PPP2R2C: variants seen among roughly 807,000 people sequenced by gnomAD.
PPP2R2C encodes the protein protein phosphatase 2, regulatory subunit B, gamma.
A neutral mutation model predicts 45.3 loss-of-function variants in PPP2R2C; 10 were observed. That is an observed-to-expected ratio of 0.22 (90% CI 0.14 to 0.37). The LOEUF (loss-of-function observed/expected upper bound fraction) is 0.37. Ranked by LOEUF, PPP2R2C falls within the 10% of genes least tolerant of loss-of-function variation. The pLI is 1.00. For synonymous variants in PPP2R2C, 257 were observed against 245.4 expected, an observed-to-expected ratio of 1.05 and a Z score of -0.44; for missense variants, 308 against 619.7, an observed-to-expected ratio of 0.50 and a Z score of 5.34.
intron 1 of PPP2R2C, among the ~76,000 whole-genome samples, chr4:6,461,834 G>C (rs1288062756): frequency 6.6e-6 from 1 of 152,248 alleles, no homozygotes; most frequent in Admixed American, 6.5e-5. Flanking sequence ...CTCCCCTACA[G>C]AAAGTGAGCA....
intron 1 of PPP2R2C, among the ~76,000 whole-genome samples, chr4:6,415,757 C>A (rs1056216218): frequency 6.6e-6 from 1 of 152,212 alleles, no homozygotes; most frequent in Non-Finnish European, 1.5e-5. Flanking sequence ...GTCATCCAGT[C>A]TAACCCTCTC....
intron 2 of PPP2R2C, among the ~76,000 whole-genome samples, chr4:6,517,312 C>T (rs1723855275): frequency 6.6e-6 from 1 of 152,168 alleles, no homozygotes; most frequent in African/African-American, 2.4e-5. Context: ...AACAGCTCAC[C>T]CTGGAGTCAG....
chr4:6,531,910 G>A (rs73209719), intron 2 of PPP2R2C, among the ~76,000 whole-genome samples: 3,738 of 152,248 alleles, frequency 0.025, 65 homozygotes, highest in Admixed American at 0.033. Context: ...CGGATGCCCC[G>A]TCCTGCATGT....
intron 1 of PPP2R2C, among the ~76,000 whole-genome samples, chr4:6,416,879 G>C (rs948530062): frequency 1.3e-5 from 2 of 152,204 alleles, no homozygotes; most frequent in African/African-American, 4.8e-5. Context: ...CCTTCCCCCT[G>C]TCGGGGGGAG....
At chr4:6,381,385 T>C (rs1278027892) in intron 1 of PPP2R2C, 1 of 1,465,710 alleles carries the variant, frequency 6.8e-7, no homozygotes, top group South Asian at 1.2e-5. Flanking sequence ...GGACACTCTA[T>C]GGGACTCACG....
intron 1 of PPP2R2C, among the ~76,000 whole-genome samples, chr4:6,433,122 A>T (rs1719710892): frequency 1.3e-5 from 2 of 152,290 alleles, no homozygotes; most frequent in South Asian, 2.1e-4. Context: ...TCCAATCAAG[A>T]GGAGGCTATT....
At chr4:6,382,638 C>CTG in intron 1 of PPP2R2C, 1 of 98,074 alleles carries the variant, frequency 1.0e-5, no homozygotes. Flanking sequence ...CTCTCTCTCT[C>CTG]TCTCTCTCTC....
intron 2 of PPP2R2C, among the ~76,000 whole-genome samples, chr4:6,512,099 T>G (rs1267206971): frequency 1.8e-5 from 1 of 56,820 alleles, no homozygotes; most frequent in Non-Finnish European, 3.4e-5. Context: ...GTGGTGGTGG[T>G]GGTGGTGGTG....
chr4:6,543,658 A>C (rs986390797), intron 1 of PPP2R2C, among the ~76,000 whole-genome samples: 1 of 152,162 alleles, frequency 6.6e-6, no homozygotes. Context: ...AGCGGCTGAC[A>C]TGGAGACGGA....
At chr4:6,389,580 C>G (rs1478982426) in intron 1 of PPP2R2C, among the ~76,000 whole-genome samples, 1 of 152,212 alleles carries the variant, frequency 6.6e-6, no homozygotes, top group Non-Finnish European at 1.5e-5. Flanking sequence ...CGAATTTACC[C>G]AGCAGCGGGC....
chr4:6,485,782 G>A (rs927931811), intron 2 of PPP2R2C, among the ~76,000 whole-genome samples: 2 of 151,818 alleles, frequency 1.3e-5, no homozygotes, highest in Non-Finnish European at 2.9e-5. Flanking sequence ...TCTGGCAAGA[G>A]GTTTATCGAT....
At chr4:6,389,335 GT>G (rs1716441250) in intron 1 of PPP2R2C, among the ~76,000 whole-genome samples, 1 of 152,196 alleles carries the variant, frequency 6.6e-6, no homozygotes, top group African/African-American at 2.4e-5. Context: ...ATCACCATAA[GT>G]GCTGCTGACA....
intron 1 of PPP2R2C, among the ~76,000 whole-genome samples, chr4:6,470,993 G>A (rs1023559750): frequency 6.6e-6 from 1 of 151,756 alleles, no homozygotes; most frequent in South Asian, 2.1e-4. Flanking sequence ...CCGGGCCTCC[G>A]CGGGGCTCCG....
chr4:6,524,586 G>A (rs1051698125), intron 2 of PPP2R2C, among the ~76,000 whole-genome samples: 9 of 152,214 alleles, frequency 5.9e-5, no homozygotes, highest in Admixed American at 6.5e-5. Flanking sequence ...ACTGGTTACA[G>A]CTCAGCCTTT....
At chr4:6,448,607 A>C (rs1720561463) in intron 1 of PPP2R2C, among the ~76,000 whole-genome samples, 4 of 149,490 alleles carry the variant, frequency 2.7e-5, no homozygotes, top group East Asian at 2.0e-4. Flanking sequence ...CTGTTTCCTC[A>C]CTCCCACTGC....
At chr4:6,383,468 T>C (rs767674730) in intron 1 of PPP2R2C, 226 of 1,281,648 alleles carry the variant, frequency 1.8e-4, no homozygotes, top group Non-Finnish European at 2.2e-4. Context: ...CCAGGCTCCT[T>C]GCCCTTTCCC....
chr4:6,523,598 A>T (rs1418414389), intron 2 of PPP2R2C: 1 of 152,190 alleles, frequency 6.6e-6, no homozygotes, highest in Non-Finnish European at 1.5e-5. Context: ...GAGACGCGGG[A>T]CCTGCACACA....
upstream of PPP2R2C, among the ~76,000 whole-genome samples, chr4:6,474,416 C>A (rs1722064064): frequency 6.6e-6 from 1 of 152,150 alleles, no homozygotes; most frequent in Admixed American, 6.5e-5. Flanking sequence ...AGGGGTCAGG[C>A]CTCCTGGGAG....
chr4:6,494,783 CT>C, intron 2 of PPP2R2C, among the ~76,000 whole-genome samples: 1 of 152,346 alleles, frequency 6.6e-6, no homozygotes, highest in East Asian at 1.9e-4. Context: ...TGGAGTGTGG[CT>C]GGAGAGCCTG....
Sources: allele counts gnomAD v4.1 joint callset (sites outside exome capture counted in the v4.1 genomes callset), GRCh38; gene constraint gnomAD v4.1.1; transcripts MANE v1.5; gene names NCBI Gene and HGNC (gene_info 2026-07-23, HGNC 2026-07-21).